The following ZNF510 variants were observed in gnomAD, a reference collection of about 807,000 sequenced individuals.
The protein encoded by ZNF510 is zinc finger protein 510.
ZNF510 carries 15 observed loss-of-function variants against 18.1 expected under a neutral mutation model. The ratio of observed to expected loss-of-function variants is 0.83; its 90% CI spans 0.55 to 1.28. The LOEUF is 1.28. ZNF510 is among the 50% of genes most tolerant of loss of function. ZNF510 has a pLI of 0.00. For missense variants in ZNF510, 724 were observed against 791.8 expected (o/e 0.91, Z 1.03); for synonymous variants, 261 against 266.4 (o/e 0.98, Z 0.20).
chr9:96,764,173 C>CT (rs796803196), intron 3 of ZNF510, among the ~76,000 whole-genome samples: 1 of 143,276 alleles, frequency 7.0e-6, no homozygotes, highest in Admixed American at 6.7e-5. Context: ...ATTACTAAAA[C>CT]TTTTTTTTTA....
rs1416313250 is a variant in ZNF510 at position 96,758,870 on chromosome 9, T to A, written c.1960A>T (p.Lys654Ter). 1.9e-6 allele frequency: 3 copies of A among 1,614,104 alleles called. No individual in the cohort carries two copies. The highest frequency in any genetic ancestry group is 2.5e-6 in the Non-Finnish European group (3 of 1,179,986). ...RIHQRTHSGE[K>*]SYECNEYGKL... is the part of the protein sequence containing the mutation. The stretch of plus-strand genomic sequence containing the variant: ...CCATATTCATTGCATTCATAAGATT[T>A]CTCCCCACTGTGAGTCCTTTGATGT... The change falls in exon 6 of 6, where the codon AAA becomes TAA. Residue 654 changes from lysine to a stop codon, truncating the protein, a stop_gained. Coordinates refer to ENST00000223428, the MANE Select transcript of ZNF510 (RefSeq NM_014930.3). LOFTEE classifies it low-confidence loss of function (END_TRUNC).
chr9:96,774,364 C>T (rs893279827), intron 3 of ZNF510, among the ~76,000 whole-genome samples: 1 of 152,210 alleles, frequency 6.6e-6, no homozygotes, highest in African/African-American at 2.4e-5. Flanking sequence ...ACTAAGCCGT[C>T]TACTTCCACT....
chr9:96,776,220 C>T lies in ZNF510; in HGVS notation c.-151G>A. On this transcript the variant is annotated 5_prime_UTR_variant, in exon 2 of 6. Transcript: ENST00000223428. ...GTCAGAGAGCAGTTCTTCGGTGGGA[C>T]TCCTGTTCCTGGGGCTCCCTCCTTC... 1.5e-6 allele frequency: 2 copies of T among 1,342,706 alleles called. No individual in the cohort carries two copies. The highest frequency in any genetic ancestry group is 9.7e-7 in the Non-Finnish European group (1 of 1,035,528). 83.2% of individuals were successfully genotyped at this position (1,342,706 alleles called of 1,614,324 possible).
chr9:96,758,451 G>T lies in ZNF510; in HGVS notation c.*327C>A. ...CTGGACTATGTGCCTGGAGTAAAAT[G>T]AAATTGGTGCTGGTGAAGAGATTAC... On this transcript the variant is annotated 3_prime_UTR_variant, in exon 6 of 6. Transcript: ENST00000223428. 4.6e-6 allele frequency: 1 copy of T among 216,756 alleles called. No homozygotes were observed. Among genetic ancestry groups the T allele is most frequent in the Non-Finnish European group, 9.1e-6 (1 of 109,848 alleles). The allele number at this position is 216,756 out of a possible 1,614,324, so 13.4% of individuals were successfully genotyped here.
At chr9:96,774,097 A>G (rs950318218) in intron 3 of ZNF510, among the ~76,000 whole-genome samples, 1 of 152,240 alleles carries the variant, frequency 6.6e-6, no homozygotes, top group Non-Finnish European at 1.5e-5. Context: ...CAATAGGCAA[A>G]GATTCTTAAT....
chr9:96,777,349 G>A (rs544076161), intron 1 of ZNF510, among the ~76,000 whole-genome samples: 1 of 152,226 alleles, frequency 6.6e-6, no homozygotes, highest in African/African-American at 2.4e-5. Flanking sequence ...AGCCTGATTC[G>A]GGGAGTAAAG....
Position 96,756,940 on chromosome 9 carries a change from C to A in ZNF510, c.*1838G>T, listed in dbSNP as rs895007204. On this transcript the variant is annotated 3_prime_UTR_variant, in exon 6 of 6. Coordinates refer to ENST00000223428, the MANE Select transcript of ZNF510 (RefSeq NM_014930.3). ...ATGCGAATTACAGGGAATTAGAATT[C>A]TCTCTATAACTTATGGGAATTAATC... The A allele has an allele frequency of 1.3e-5, 2 of 152,214 alleles. No individual in the cohort carries two copies. Among genetic ancestry groups the A allele is most frequent in the African/African-American group, 4.8e-5 (2 of 41,452 alleles). 9.4% of individuals were successfully genotyped at this position (152,214 alleles called of 1,614,324 possible). A position where few individuals can be genotyped will look rare whatever the true frequency, so the allele number is the denominator to read the frequency against.
intron 4 of ZNF510, 90 bp downstream of exon 4, chr9:96,763,409 ATTTAAAC>A: frequency 3.4e-6 from 5 of 1,459,788 alleles, no homozygotes; most frequent in Non-Finnish European, 4.6e-6. Flanking sequence ...AGCCTAAATA[ATTTAAAC>A]TTTAAGTAAA....
intron 3 of ZNF510, among the ~76,000 whole-genome samples, chr9:96,769,353 C>T (rs1175172242): frequency 6.6e-6 from 1 of 151,178 alleles, no homozygotes; most frequent in Non-Finnish European, 1.5e-5. Flanking sequence ...GGGAGAATCA[C>T]TTGAACCCAG....
intron 3 of ZNF510, among the ~76,000 whole-genome samples, chr9:96,772,138 C>T (rs1294179843): frequency 6.6e-6 from 1 of 152,138 alleles, no homozygotes; most frequent in Non-Finnish European, 1.5e-5. Context: ...AGTCACTTGA[C>T]TGACAAAAAA....
In ZNF510 at chr9:96,757,296, CAAT is replaced by C. The variant is rs1849217507; in HGVS notation, c.*1479_*1481del. On this transcript the variant is annotated 3_prime_UTR_variant, in exon 6 of 6. Transcript: ENST00000223428. ...GAGGTGTGGGGGCAGTACCTCTGTG[CAAT>C]TAAGGCACACTTACGTTGAACTGCA... 6.6e-6 allele frequency: 1 copy of C among 152,034 alleles called. No individual in the cohort carries two copies. The highest frequency in any genetic ancestry group is 6.5e-5 in the Admixed American group (1 of 15,284). The allele number at this position is 152,034 out of a possible 1,614,324, so 9.4% of individuals were successfully genotyped here.
chr9:96,769,083 T>C (rs1337890084), intron 3 of ZNF510, among the ~76,000 whole-genome samples: 1 of 152,104 alleles, frequency 6.6e-6, no homozygotes, highest in African/African-American at 2.4e-5. Context: ...GATGCTGGGA[T>C]AACTGAATCT....
In ZNF510 at chr9:96,772,651, T is replaced by C. The variant is rs186494660; in HGVS notation, c.129+2137A>G. Among the ~76,000 whole-genome samples, 4 of 152,190 alleles carry C rather than the reference T, an allele frequency of 2.6e-5. No individual in the cohort carries two copies. In the South Asian group the frequency reaches 6.2e-4, roughly 24 times the overall value. On this transcript the variant is annotated intron_variant, in intron 3 of 5. Transcript: ENST00000223428. ...TGGTGCCCAACATTAGTATTTACCA[T>C]AGAAAAGCAAATTATAAATTTTGAT...
chr9:96,763,298 C>T (rs952794405), intron 4 of ZNF510, 85 bp from the exon 5 acceptor site: 18 of 1,457,686 alleles, frequency 1.2e-5, no homozygotes, highest in Non-Finnish European at 1.5e-5. Flanking sequence ...GCTTTGGAAG[C>T]AGTATCCTGA....
At chr9:96,769,452 T>C (rs1420934545) in intron 3 of ZNF510, among the ~76,000 whole-genome samples, 2 of 138,776 alleles carry the variant, frequency 1.4e-5, no homozygotes, top group Non-Finnish European at 3.0e-5. Flanking sequence ...AAAAAAAAAA[T>C]TGGCCTTAAA....
intron 3 of ZNF510, among the ~76,000 whole-genome samples, chr9:96,766,980 G>A (rs1459460686): frequency 6.6e-6 from 1 of 152,056 alleles, no homozygotes; most frequent in African/African-American, 2.4e-5. Flanking sequence ...AAGTCCCTGG[G>A]GGCCATACAC....
Position 96,758,681 on chromosome 9 carries a change from C to G in ZNF510, c.*97G>C, listed in dbSNP as rs1161154294. Reference sequence around the variant, plus strand: ...TCACAGTGAGGGTTTACTTCTGGGACTGTCTTCTTACATTCACTACCCTCA... The same window carrying G: ...TCACAGTGAGGGTTTACTTCTGGGAGTGTCTTCTTACATTCACTACCCTCA... On this transcript the variant is annotated 3_prime_UTR_variant, in exon 6 of 6. Transcript: ENST00000223428. 1.5e-5 allele frequency: 19 copies of G among 1,249,198 alleles called. No homozygotes were observed. The highest frequency in any genetic ancestry group is 1.9e-5 in the Non-Finnish European group (17 of 910,598). The allele number at this position is 1,249,198 out of a possible 1,614,324, so 77.4% of individuals were successfully genotyped here. A position where few individuals can be genotyped will look rare whatever the true frequency, so the allele number is the denominator to read the frequency against.
rs1849698968 is a variant in ZNF510 at position 96,776,172 on chromosome 9, C to T, written c.-103G>A. 6.7e-7 allele frequency: 1 copy of T among 1,497,004 alleles called. No individual in the cohort carries two copies. Among genetic ancestry groups the T allele is most frequent in the Non-Finnish European group, 8.9e-7 (1 of 1,119,422 alleles). 92.7% of individuals were successfully genotyped at this position (1,497,004 alleles called of 1,614,324 possible). ...GGTTCTTCTGCATCTGTTTGGAAGCCCTGGTGAGGAGGTCTCTGTTCTGTC... is the reference window on the plus strand; with the variant it reads ...GGTTCTTCTGCATCTGTTTGGAAGCTCTGGTGAGGAGGTCTCTGTTCTGTC... On this transcript the variant is annotated 5_prime_UTR_variant, in exon 2 of 6. Transcript: ENST00000223428.
rs761411495 is a variant in ZNF510 at position 96,758,997 on chromosome 9, C to T, written c.1833G>A (p.Arg611=). 1.4e-5 allele frequency: 23 copies of T among 1,613,836 alleles called. No individual in the cohort carries two copies. Among genetic ancestry groups the T allele is most frequent in the East Asian group, 6.7e-5 (3 of 44,846 alleles). ...KCNECGKKFV[R]KAILSDHQRI... Reference sequence around the variant, plus strand: ...TCTGATGATCACTAAGGATTGCTTTCCGGACAAATTTCTTCCCACATTCAT... The same window carrying T: ...TCTGATGATCACTAAGGATTGCTTTTCGGACAAATTTCTTCCCACATTCAT... The change falls in exon 6 of 6, where the codon CGG becomes CGA. Residue 611 remains arginine, a synonymous_variant. Coordinates refer to ENST00000223428, the MANE Select transcript of ZNF510 (RefSeq NM_014930.3).
Sources: gnomAD v4.1 joint callset for allele counts (sites outside exome capture counted in the v4.1 genomes callset) on GRCh38, gnomAD v4.1.1 for gene constraint, MANE v1.5 for transcripts, NCBI Gene and HGNC (gene_info 2026-07-23, HGNC 2026-07-21) for gene names.